The following ESR1 variants were observed in gnomAD, a reference collection of about 807,000 sequenced individuals.
ESR1 encodes estrogen receptor.
ESR1 carries 12 observed loss-of-function variants against 52.7 expected under a neutral mutation model. The ratio of observed to expected loss-of-function variants is 0.23; its 90% CI spans 0.15 to 0.37. The LOEUF (loss-of-function observed/expected upper bound fraction) is 0.37, where lower values mean the gene tolerates loss of function less well. ESR1 is among the 10% of genes least tolerant of loss of function. The probability of loss-of-function intolerance (pLI) is 1.00; values close to 1 mark genes in which losing one functional copy is unlikely to be tolerated. For missense variants in ESR1, 584 were observed against 779.7 expected, an observed-to-expected ratio of 0.75 and a Z score of 2.99; for synonymous variants, 305 against 316.8, an observed-to-expected ratio of 0.96 and a Z score of 0.39.
chr6:151,985,232 G>T (rs549170609), intron 4 of ESR1, among the ~76,000 whole-genome samples: 1 of 151,918 alleles, frequency 6.6e-6, no homozygotes, highest in African/African-American at 2.4e-5. Flanking sequence ...CTGGCTGGGC[G>T]TGGTGGCTTA....
chr6:152,040,768 G>T (rs1439987223), intron 5 of ESR1, among the ~76,000 whole-genome samples: 1 of 152,194 alleles, frequency 6.6e-6, no homozygotes, highest in African/African-American at 2.4e-5. Context: ...CCAGGCCCTT[G>T]TCTTCTCTTC....
chr6:151,914,036 T>C (rs971351870), intron 3 of ESR1, among the ~76,000 whole-genome samples: 3 of 152,140 alleles, frequency 2.0e-5, no homozygotes, highest in Non-Finnish European at 4.4e-5. Context: ...AGTTTCAGGA[T>C]CTCTGTGTTC....
chr6:151,937,932 C>G (rs747785717), intron 3 of ESR1, among the ~76,000 whole-genome samples: 2 of 152,116 alleles, frequency 1.3e-5, no homozygotes, highest in Non-Finnish European at 2.9e-5. Flanking sequence ...CCTTATAGTA[C>G]TTGAAGGGAG....
chr6:152,049,784 G>A (rs2046528942), intron 5 of ESR1, among the ~76,000 whole-genome samples: 1 of 152,140 alleles, frequency 6.6e-6, no homozygotes, highest in South Asian at 2.1e-4. Flanking sequence ...ATCCTACGAG[G>A]GGTTGGAAGT....
At position 152,094,351 on chromosome 6, in the gene ESR1, G is replaced by C. The variant is rs762858280; in HGVS notation, c.1370-34G>C. Reference sequence around the variant, plus strand: ...GTCTCCTAGACCTCATCCTCTTTGAGCTTCTCTCTCTCACTCTCTCTCTGC... The same window carrying C: ...GTCTCCTAGACCTCATCCTCTTTGACCTTCTCTCTCTCACTCTCTCTCTGC... On this transcript the variant is annotated intron_variant, in intron 6 of 7. Transcript: ENST00000206249. This position sits in a 1 kb window ranked among gnomAD's most constrained non-coding sequence, Gnocchi z 4.6. 1 of 1,602,116 alleles carries C rather than the reference G, an allele frequency of 6.2e-7. No homozygotes were observed. Among genetic ancestry groups the C allele is most frequent in the Non-Finnish European group, 8.6e-7 (1 of 1,169,204 alleles).
chr6:152,025,716 T>C (rs908034459), intron 5 of ESR1, among the ~76,000 whole-genome samples: 1 of 152,026 alleles, frequency 6.6e-6, no homozygotes, highest in Non-Finnish European at 1.5e-5. Flanking sequence ...ACTAGTTTTC[T>C]GCTTTCTAAC....
In ESR1 at chr6:151,880,341, C is replaced by T. The variant is rs181467321; in HGVS notation, c.644-314C>T. On this transcript the variant is annotated intron_variant, in intron 2 of 7. Coordinates refer to ENST00000206249, the MANE Select transcript of ESR1 (RefSeq NM_000125.4). Reference sequence around the variant, plus strand: ...GGGATTACAGGTGTACACCACCATACCCAGGTTTTTTTTGTATTTTTAGTA... The same window carrying T: ...GGGATTACAGGTGTACACCACCATATCCAGGTTTTTTTTGTATTTTTAGTA... Among the ~76,000 whole-genome samples the T allele has an allele frequency of 4.2e-3, 633 of 151,528 alleles. 5 individuals are homozygous for T. The highest frequency in any genetic ancestry group is 0.014 in the African/African-American group (591 of 41,334).
At chr6:152,024,674 A>T (rs1184860143) in intron 5 of ESR1, among the ~76,000 whole-genome samples, 1 of 147,738 alleles carries the variant, frequency 6.8e-6, no homozygotes, top group Non-Finnish European at 1.5e-5. Context: ...TGTATATAAA[A>T]ATATATATTA....
At chr6:151,910,677 T>C (rs1449719246) in intron 3 of ESR1, among the ~76,000 whole-genome samples, 1 of 152,204 alleles carries the variant, frequency 6.6e-6, no homozygotes, top group Non-Finnish European at 1.5e-5. Flanking sequence ...TAGCCATTGT[T>C]TTCAAAGTAG....
Position 151,870,771 on chromosome 6 carries a change from A to G in ESR1, c.644-9884A>G, listed in dbSNP as rs78804092. Among the ~76,000 whole-genome samples, 149 of 152,276 alleles carry G rather than the reference A, an allele frequency of 9.8e-4. 2 individuals carry two copies. The East Asian group carries it at 0.026, about 26-fold the overall frequency. ...CCTTGGCCCAGTGCATGGTGCACAG[A>G]AGGGAATCTGAACAGGCCAACTTTA... On this transcript the variant is annotated intron_variant, in intron 2 of 7. Coordinates refer to ENST00000206249, the MANE Select transcript of ESR1 (RefSeq NM_000125.4).
intron 6 of ESR1, among the ~76,000 whole-genome samples, chr6:152,090,945 A>C (rs1281217721): frequency 1.3e-5 from 2 of 152,212 alleles, no homozygotes. Context: ...AAGACTGGTT[A>C]ATGACATATA....
At chr6:151,891,077 G>A (rs145888315) in intron 3 of ESR1, among the ~76,000 whole-genome samples, 1 of 151,976 alleles carries the variant, frequency 6.6e-6, no homozygotes, top group Admixed American at 6.6e-5. Flanking sequence ...TTACCATAAG[G>A]CTTACATAAA....
chr6:151,787,045 T>C (rs1015350809), intron 2 of ESR1, among the ~76,000 whole-genome samples: 7 of 152,176 alleles, frequency 4.6e-5, no homozygotes, highest in African/African-American at 1.4e-4. Context: ...CTGACCTCAG[T>C]TGATCCACCC....
At chr6:152,080,956 C>T (rs1472337455) in intron 6 of ESR1, among the ~76,000 whole-genome samples, 1 of 152,176 alleles carries the variant, frequency 6.6e-6, no homozygotes, top group Non-Finnish European at 1.5e-5. Flanking sequence ...AGTACAGGAG[C>T]ACCCAGATTC....
chr6:151,845,992 G>A (rs1785047555), intron 2 of ESR1, among the ~76,000 whole-genome samples: 1 of 152,142 alleles, frequency 6.6e-6, no homozygotes, highest in Admixed American at 6.6e-5. Context: ...GCAATTAGAT[G>A]ATGGTGTCAA....
chr6:151,846,499 G>C (rs1018817324), intron 2 of ESR1, among the ~76,000 whole-genome samples: 1 of 152,218 alleles, frequency 6.6e-6, no homozygotes, highest in Non-Finnish European at 1.5e-5. Context: ...GGATGGTGAA[G>C]GGTCTGACAC....
intron 4 of ESR1, among the ~76,000 whole-genome samples, chr6:151,968,071 A>G (rs1173484485): frequency 6.6e-6 from 1 of 152,068 alleles, no homozygotes; most frequent in Non-Finnish European, 1.5e-5. Context: ...CCAAAAACAG[A>G]TACATAGACT....
At position 151,907,207 on chromosome 6, in the gene ESR1, C is replaced by A. The variant is rs75644140; in HGVS notation, c.760+26436C>A. Among the ~76,000 whole-genome samples the A allele has an allele frequency of 3.4e-3, 524 of 152,058 alleles. 3 individuals are homozygous for A. The highest frequency in any genetic ancestry group is 0.012 in the African/African-American group (499 of 41,510). On this transcript the variant is annotated intron_variant, in intron 3 of 7. Transcript: ENST00000206249. ...TTGTTCTTCTTCAAAATTGTTTTGG[C>A]TATTTATGGCTACTTTTGCTTTCAA...
intron 2 of ESR1, among the ~76,000 whole-genome samples, chr6:151,779,868 C>A (rs1462218336): frequency 1.6e-5 from 2 of 128,862 alleles, no homozygotes; most frequent in Non-Finnish European, 3.4e-5. Flanking sequence ...CCACTGCACT[C>A]CACCCTGGGC....
Sources: gnomAD v4.1 joint callset for allele counts (sites outside exome capture counted in the v4.1 genomes callset) on GRCh38, gnomAD v4.1.1 for gene constraint, Gnocchi (gnomAD v3.1) non-coding constraint, MANE v1.5 for transcripts, NCBI Gene and HGNC (gene_info 2026-07-23, HGNC 2026-07-21) for gene names.